ZNF607: variants seen among roughly 807,000 people sequenced by gnomAD.
ZNF607 encodes zinc finger protein 607.
Under a neutral mutation model 12.8 loss-of-function variants are expected in ZNF607, and 5 were observed. That is an observed-to-expected ratio of 0.39 (90% CI 0.20 to 0.82). ZNF607 has a LOEUF of 0.82. ZNF607 is among the 40% of genes least tolerant of loss of function. The probability of loss-of-function intolerance (pLI) is 0.39; values close to 1 mark genes in which losing one functional copy is unlikely to be tolerated. For missense variants in ZNF607, 851 were observed against 859.2 expected (o/e 0.99, Z 0.12); for synonymous variants, 287 against 276.2 (o/e 1.04, Z -0.39).
chr19:37,702,895 A>G (rs1185057285), intron 4 of ZNF607, among the ~76,000 whole-genome samples: 1 of 152,096 alleles, frequency 6.6e-6, no homozygotes, highest in Non-Finnish European at 1.5e-5. Context: ...CCTAAAATAA[A>G]TTACTCAAGG....
Position 37,697,375 on chromosome 19 carries a change from C to A in ZNF607, c.*665G>T, listed in dbSNP as rs1226239328. ...ACAGCTAAGGCCAGGCCAAACTTGC[C>A]GATGGACTCAAACACTTTGGCAGCC... On this transcript the variant is annotated 3_prime_UTR_variant, in exon 5 of 5. Transcript: ENST00000355202. The A allele has an allele frequency of 6.6e-7, 1 of 1,518,082 alleles. No individual in the cohort carries two copies. The highest frequency in any genetic ancestry group is 1.1e-5 in the South Asian group (1 of 88,948). The allele number at this position is 1,518,082 out of a possible 1,614,324, so 94.0% of individuals were successfully genotyped here.
At position 37,697,454 on chromosome 19, in the gene ZNF607, C is replaced by T; in HGVS notation, c.*586G>A. The T allele has an allele frequency of 1.4e-6, 1 of 739,510 alleles. No homozygotes were observed. The highest frequency in any genetic ancestry group is 2.0e-5 in the Admixed American group (1 of 50,122). 45.8% of individuals were successfully genotyped at this position (739,510 alleles called of 1,614,324 possible). On this transcript the variant is annotated 3_prime_UTR_variant, in exon 5 of 5. Transcript: ENST00000355202. Reference sequence around the variant, plus strand: ...CCTGCTTCCACTCTGACCTCCACATCTAACTCATGTAATTCTAACAGCACT... The same window carrying T: ...CCTGCTTCCACTCTGACCTCCACATTTAACTCATGTAATTCTAACAGCACT...
intron 2 of ZNF607, among the ~76,000 whole-genome samples, chr19:37,710,993 C>T (rs895568579): frequency 1.3e-5 from 2 of 152,198 alleles, no homozygotes; most frequent in African/African-American, 2.4e-5. Context: ...TACTTCATTA[C>T]ATTAAATCTT....
At chr19:37,715,960 T>A (rs975936322) in intron 1 of ZNF607, among the ~76,000 whole-genome samples, 1 of 152,232 alleles carries the variant, frequency 6.6e-6, no homozygotes, top group African/African-American at 2.4e-5. Flanking sequence ...CTTCATCATT[T>A]GTGCCCTGTT....
Position 37,696,784 on chromosome 19 carries a change from G to A in ZNF607, c.*1256C>T. ...GTTGGCGATCAGCTCAGCTGCCTTG[G>A]AGTCACCCTCAGCAGAGATGATGGC... On this transcript the variant is annotated 3_prime_UTR_variant, in exon 5 of 5. Transcript: ENST00000355202. 1 of 1,349,432 alleles carries A rather than the reference G, an allele frequency of 7.4e-7. No homozygotes were observed. The highest frequency in any genetic ancestry group is 1.1e-6 in the Non-Finnish European group (1 of 947,104). The allele number at this position is 1,349,432 out of a possible 1,614,324, so 83.6% of individuals were successfully genotyped here.
chr19:37,705,421 G>A (rs1158429489), intron 4 of ZNF607, among the ~76,000 whole-genome samples: 1 of 152,300 alleles, frequency 6.6e-6, no homozygotes, highest in South Asian at 2.1e-4. Flanking sequence ...GCCGGGCATG[G>A]TGGCTCACGC....
chr19:37,707,507 C>T (rs1312800443), intron 4 of ZNF607, among the ~76,000 whole-genome samples: 3 of 152,054 alleles, frequency 2.0e-5, no homozygotes, highest in Admixed American at 2.0e-4. Context: ...CGGTGGTTTA[C>T]ACCTATAATC....
In ZNF607 at chr19:37,698,760, G is replaced by C. The variant is rs144864277; in HGVS notation, c.1371C>G (p.Ser457=). 3.1e-6 allele frequency: 5 copies of C among 1,613,124 alleles called. No homozygotes were observed. The African/African-American group carries it at 6.7e-5, about 22-fold the overall frequency. The change falls in exon 5 of 5, where the codon TCC becomes TCG. Residue 457 remains serine (S), a synonymous_variant. Transcript: ENST00000355202. ...TAACAAGATATGAGGCACAACGAAA[G>C]GACTTCCCACATTCTTTACATTCAA... is the stretch of plus-strand genomic sequence containing the variant. ...KPFECKECGK[S]FRCASYLVIH...
chr19:37,698,658 T>A lies in ZNF607; in HGVS notation c.1473A>T (p.Lys491Asn). ...TATGAACTCTGCGATGTATAGTGAG[T>A]TTATGGCTATAACTAAAACCCTTCC... is the stretch of plus-strand genomic sequence containing the variant. ...ECGKGFSYSH[K>N]LTIHRRVHTG... Residue 491 changes from lysine to asparagine, a missense_variant, in exon 5 of 5, where the codon AAA becomes AAT. Lys to Asn is a moderately conservative substitution (Grantham distance 94, BLOSUM62 0). Coordinates refer to ENST00000355202, the MANE Select transcript of ZNF607 (RefSeq NM_032689.5). 1 of 1,612,636 alleles carries A rather than the reference T, an allele frequency of 6.2e-7. No individual in the cohort carries two copies. The highest frequency in any genetic ancestry group is 8.5e-7 in the Non-Finnish European group (1 of 1,179,718).
chr19:37,704,464 A>T (rs1306271308), intron 4 of ZNF607, among the ~76,000 whole-genome samples: 1 of 152,216 alleles, frequency 6.6e-6, no homozygotes, highest in African/African-American at 2.4e-5. Context: ...ACACTGAAAC[A>T]TCCTTAACTG....
chr19:37,714,884 AT>A (rs764077535), intron 1 of ZNF607, among the ~76,000 whole-genome samples: 61 of 144,370 alleles, frequency 4.2e-4, no homozygotes, highest in Non-Finnish European at 5.9e-4. Context: ...AAGGAACTTA[AT>A]TCTGTTGCTT....
chr19:37,699,648 C>T lies in ZNF607; in HGVS notation c.483G>A (p.Gln161=), dbSNP rs370452757. The part of the protein sequence containing the change: ...FSHLTDLRKH[Q]KINAREKPYE... ...AAGGTTTCTCACGAGCATTAATTTT[C>T]TGATGCTTTCTAAGGTCTGTAAGAT... Residue 161 remains glutamine (Q), a synonymous_variant, in exon 5 of 5, where the codon CAG becomes CAA. Coordinates refer to ENST00000355202, the MANE Select transcript of ZNF607 (RefSeq NM_032689.5). The T allele has an allele frequency of 2.5e-6, 4 of 1,614,104 alleles. No homozygotes were observed. The African/African-American group carries it at 4.0e-5, about 16-fold the overall frequency.
At position 37,698,409 on chromosome 19, in the gene ZNF607, T is replaced by G. The variant is rs376834941; in HGVS notation, c.1722A>C (p.Thr574=). The stretch of plus-strand genomic sequence containing the variant: ...GAGTTCGGTCATGATATATGAGGCT[T>G]GTGGCATGACGAAAGGCCTTGCCAC... ...KECGKAFRHA[T]SLIYHDRTHA... is the part of the protein sequence containing the mutation. The change falls in exon 5 of 5, where the codon ACA becomes ACC. Residue 574 remains threonine (T), a synonymous_variant. Transcript: ENST00000355202. The G allele has an allele frequency of 6.2e-7, 1 of 1,614,096 alleles. No individual in the cohort carries two copies. Among genetic ancestry groups the G allele is most frequent in the Non-Finnish European group, 8.5e-7 (1 of 1,180,040 alleles).
At chr19:37,719,203 C>G (rs1214902562) in intron 1 of ZNF607, 66 bp downstream of exon 1, 1 of 153,170 alleles carries the variant, frequency 6.5e-6, no homozygotes, top group East Asian at 1.9e-4. Flanking sequence ...CCCACAGAGC[C>G]CAGCGAAGCA....
chr19:37,714,480 G>A lies in ZNF607; in HGVS notation c.-74-2788C>T, dbSNP rs956501201. ...CTTGGGAGGCTGAGGCACCAGATTC[G>A]CTTGAACCAGGAGACCGAGGTTGCA... On this transcript the variant is annotated intron_variant, in intron 1 of 4. Transcript: ENST00000355202. Among the ~76,000 whole-genome samples the A allele has an allele frequency of 4.7e-5, 7 of 149,384 alleles. 1 individual carries two copies. In the South Asian group the frequency reaches 1.3e-3, roughly 27 times the overall value.
chr19:37,702,526 T>C (rs2045048238), intron 4 of ZNF607, among the ~76,000 whole-genome samples: 1 of 152,186 alleles, frequency 6.6e-6, no homozygotes. Flanking sequence ...CAAATTAGTT[T>C]GTTGCCATCA....
chr19:37,712,546 A>G (rs1395806442), intron 1 of ZNF607, among the ~76,000 whole-genome samples: 1 of 152,194 alleles, frequency 6.6e-6, no homozygotes, highest in East Asian at 1.9e-4. Context: ...CATAGTGCTT[A>G]TATCTCACTA....
At chr19:37,714,732 A>G (rs2045161827) in intron 1 of ZNF607, among the ~76,000 whole-genome samples, 1 of 152,180 alleles carries the variant, frequency 6.6e-6, no homozygotes, top group African/African-American at 2.4e-5. Flanking sequence ...GGATAGGAAT[A>G]TATCCTACTT....
chr19:37,714,339 A>AGC, intron 1 of ZNF607, among the ~76,000 whole-genome samples: 2 of 148,850 alleles, frequency 1.3e-5, no homozygotes, highest in African/African-American at 2.5e-5. Context: ...CAACAACAAC[A>AGC]ACAGCAGCAG....
Sources: allele counts gnomAD v4.1 joint callset (sites outside exome capture counted in the v4.1 genomes callset), GRCh38; gene constraint gnomAD v4.1.1; transcripts MANE v1.5; gene names NCBI Gene and HGNC (gene_info 2026-07-23, HGNC 2026-07-21).